OVOL2: variants seen among roughly 807,000 people sequenced by gnomAD.
The protein encoded by OVOL2 is transcription factor Ovo-like 2.
A neutral mutation model predicts 18.1 loss-of-function variants in OVOL2; 13 were observed. That is an observed-to-expected ratio of 0.72 (90% confidence interval 0.47 to 1.14). The LOEUF is 1.14. OVOL2 is among the 50% of genes most tolerant of loss of function. The pLI, the probability that OVOL2 is intolerant of heterozygous loss-of-function variation, is 0.00. For synonymous variants in OVOL2, 166 were observed against 162.7 expected (o/e 1.02, Z -0.16); for missense variants, 335 against 383.0 (o/e 0.87, Z 1.05).
rs1229068273 is a variant in OVOL2, at chr20:18,057,643, C to T, written c.-9G>A. 7.0e-6 allele frequency: 11 copies of T among 1,566,790 alleles called. 1 individual carries two copies. The highest frequency in any genetic ancestry group is 1.9e-5 in the Admixed American group (1 of 53,738). Reference sequence around the variant, plus strand: ...AGGAAGACTTTGGGCATGGTGGGGTCCCCTCTCCCGACTGCGGCCCCCTCC... The same window carrying T: ...AGGAAGACTTTGGGCATGGTGGGGTTCCCTCTCCCGACTGCGGCCCCCTCC... On this transcript the variant is annotated 5_prime_UTR_variant, in exon 1 of 4. Transcript: ENST00000278780. This position sits in a 1 kb window ranked among gnomAD's most constrained non-coding sequence, Gnocchi z 6.3.
intron 2 of OVOL2, among the ~76,000 whole-genome samples, chr20:18,045,738 C>T (rs1363619872): frequency 6.6e-6 from 1 of 152,114 alleles, no homozygotes; most frequent in Non-Finnish European, 1.5e-5. Context: ...CTCAGCCTCC[C>T]AAAGTGCTGG....
intron 3 of OVOL2, among the ~76,000 whole-genome samples, chr20:18,035,393 G>C (rs779008539): frequency 5.4e-4 from 82 of 152,344 alleles, no homozygotes; most frequent in Non-Finnish European, 9.7e-4. Flanking sequence ...GGAGGCAGAG[G>C]CTGCAGTGAG....
intron 3 of OVOL2, among the ~76,000 whole-genome samples, chr20:18,029,165 C>T (rs999973623): frequency 6.6e-6 from 1 of 151,984 alleles, no homozygotes; most frequent in African/African-American, 2.4e-5. Flanking sequence ...TAGCTGGGAC[C>T]ACAGGTGCCT....
At chr20:18,036,216 C>A (rs1396543323) in intron 3 of OVOL2, among the ~76,000 whole-genome samples, 2 of 152,084 alleles carry the variant, frequency 1.3e-5, no homozygotes, top group African/African-American at 4.8e-5. Flanking sequence ...TCACTTGAAC[C>A]CGGGAGGCAG....
chr20:18,041,819 C>A, intron 2 of OVOL2, 96 bp from the exon 3 acceptor site: 3 of 1,133,892 alleles, frequency 2.6e-6, no homozygotes, highest in Non-Finnish European at 3.6e-6. Context: ...TGAGGCTGCC[C>A]TGTCTGCGGC....
chr20:18,036,016 G>A (rs1269703447), intron 3 of OVOL2, among the ~76,000 whole-genome samples: 10 of 152,094 alleles, frequency 6.6e-5, no homozygotes, highest in East Asian at 1.9e-4. Flanking sequence ...ATTTTTGGCC[G>A]AGTGCAGTGC....
upstream of OVOL2, among the ~76,000 whole-genome samples, chr20:18,058,053 T>TC (rs2036847261): frequency 6.6e-6 from 1 of 152,036 alleles, no homozygotes; most frequent in South Asian, 2.1e-4. Context: ...AGTCTGTTCT[T>TC]CCCCCTCCTC....
At chr20:18,037,318 T>C (rs1217380057) in intron 3 of OVOL2, among the ~76,000 whole-genome samples, 2 of 152,070 alleles carry the variant, frequency 1.3e-5, no homozygotes, top group African/African-American at 2.4e-5. Context: ...CACTGATGGG[T>C]TGTGTGAGCT....
chr20:18,045,292 A>C (rs2122715136), intron 2 of OVOL2, among the ~76,000 whole-genome samples: 2 of 152,344 alleles, frequency 1.3e-5, no homozygotes, highest in Middle Eastern at 6.8e-3. Context: ...GTGAGGGGCT[A>C]ATGAAATAGA....
At chr20:18,044,312 T>C (rs1409758546) in intron 2 of OVOL2, among the ~76,000 whole-genome samples, 1 of 152,170 alleles carries the variant, frequency 6.6e-6, no homozygotes, top group Non-Finnish European at 1.5e-5. Flanking sequence ...ATGCACACAG[T>C]TCATCTTGTT....
At chr20:18,027,130 A>G (rs1278098811) in intron 3 of OVOL2, among the ~76,000 whole-genome samples, 1 of 151,672 alleles carries the variant, frequency 6.6e-6, no homozygotes, top group Non-Finnish European at 1.5e-5. Flanking sequence ...TTTAAGGTTG[A>G]GACTGGTATG....
chr20:18,056,874 C>T lies in OVOL2; in HGVS notation c.104G>A (p.Gly35Asp). ...GGGGTCGTGGAGCAGGCGGCCTAGG[C>T]CCACTGTGGAGGGAGGGGCCGCGCC... ...EKRADTYIPV[G>D]LGRLLHDPPE... The change falls in exon 2 of 4, where the codon GGC becomes GAC. Residue 35 changes from glycine to aspartate, a missense_variant. Physicochemically the swap from Gly to Asp is moderately conservative, Grantham distance 94. Coordinates refer to ENST00000278780, the MANE Select transcript of OVOL2 (RefSeq NM_021220.4). The surrounding 1 kb of genome is among the most constrained non-coding windows in gnomAD (Gnocchi z 4.2). 1 of 1,485,776 alleles carries T rather than the reference C, an allele frequency of 6.7e-7. No individual in the cohort carries two copies. The highest frequency in any genetic ancestry group is 8.9e-7 in the Non-Finnish European group (1 of 1,126,254). The allele number at this position is 1,485,776 out of a possible 1,614,324, so 92.0% of individuals were successfully genotyped here. A position where few individuals can be genotyped will look rare whatever the true frequency, so the allele number is the denominator to read the frequency against.
At chr20:18,046,224 C>T (rs2036723263) in intron 2 of OVOL2, among the ~76,000 whole-genome samples, 1 of 152,158 alleles carries the variant, frequency 6.6e-6, no homozygotes, top group Admixed American at 6.6e-5. Context: ...AAATTTATCC[C>T]TAAAAGTATA....
Position 18,024,296 on chromosome 20 carries a change from T to C in OVOL2, c.*340A>G, listed in dbSNP as rs1281084680. 4 of 205,402 alleles carry C rather than the reference T, an allele frequency of 1.9e-5. No individual in the cohort carries two copies. Among genetic ancestry groups the C allele is most frequent in the Non-Finnish European group, 3.9e-5 (4 of 102,894 alleles). 12.7% of individuals were successfully genotyped at this position (205,402 alleles called of 1,614,324 possible). A position where few individuals can be genotyped will look rare whatever the true frequency, so the allele number is the denominator to read the frequency against. ...GAAGTATTTTTATTTCAAGGCACCA[T>C]AAAATGATGATCTCTCTAAGAAATA... On this transcript the variant is annotated 3_prime_UTR_variant, in exon 4 of 4. Coordinates refer to ENST00000278780, the MANE Select transcript of OVOL2 (RefSeq NM_021220.4).
At chr20:18,044,721 G>A (rs370072940) in intron 2 of OVOL2, among the ~76,000 whole-genome samples, 5 of 152,250 alleles carry the variant, frequency 3.3e-5, no homozygotes, top group South Asian at 2.1e-4. Context: ...CCAGGGGTCC[G>A]AGGGGGCACC....
At chr20:18,027,111 A>T (rs907470694) in intron 3 of OVOL2, among the ~76,000 whole-genome samples, 1 of 150,240 alleles carries the variant, frequency 6.7e-6, no homozygotes, top group East Asian at 2.0e-4. Context: ...TCAAAGTTGA[A>T]TTTTTTTTTT....
At chr20:18,025,910 C>T (rs1273516177) in intron 3 of OVOL2, among the ~76,000 whole-genome samples, 1 of 152,252 alleles carries the variant, frequency 6.6e-6, no homozygotes, top group East Asian at 1.9e-4. Context: ...GACTGGGCTC[C>T]AGCAGGGAAC....
At chr20:18,041,750 T>G in intron 2 of OVOL2, 27 bp from the exon 3 acceptor site, 4 of 1,593,272 alleles carry the variant, frequency 2.5e-6, no homozygotes, top group Non-Finnish European at 3.4e-6. Context: ...GCCATGAGGG[T>G]CCCCGGGCAG....
At chr20:18,057,986 G>A, upstream of OVOL2, 2 of 680,616 alleles carry the variant, frequency 2.9e-6, no homozygotes, top group Non-Finnish European at 3.9e-6. The surrounding 1 kb of genome is among the most constrained non-coding windows in gnomAD (Gnocchi z 6.3). Flanking sequence ...GGTTCCGGCG[G>A]CCGGGGCTGC....
Sources: allele counts gnomAD v4.1 joint callset (sites outside exome capture counted in the v4.1 genomes callset), GRCh38; gene constraint gnomAD v4.1.1; non-coding constraint Gnocchi (gnomAD v3.1); transcripts MANE v1.5; gene names NCBI Gene and HGNC (gene_info 2026-07-23, HGNC 2026-07-21).